VAV2: variants seen among roughly 807,000 people sequenced by gnomAD.
VAV2 encodes vav guanine nucleotide exchange factor 2.
VAV2 carries 67 observed loss-of-function variants against 132.5 expected under a neutral mutation model. That is an observed-to-expected ratio of 0.51 (90% CI 0.42 to 0.62). The LOEUF is 0.62. Among genes scored for constraint, VAV2 ranks in the 20% least tolerant of loss-of-function variants. The probability of loss-of-function intolerance (pLI) is 0.00; values close to 1 mark genes in which losing one functional copy is unlikely to be tolerated. For missense variants in VAV2, 938 were observed against 1,153.6 expected, an observed-to-expected ratio of 0.81 and a Z score of 2.71; for synonymous variants, 492 against 443.5, an observed-to-expected ratio of 1.11 and a Z score of -1.37.
intron 2 of VAV2, among the ~76,000 whole-genome samples, chr9:133,866,101 G>A (rs1837787036): frequency 6.6e-6 from 1 of 152,106 alleles, no homozygotes; most frequent in African/African-American, 2.4e-5. Flanking sequence ...CCACCATGAT[G>A]CAACCCCCGC....
intron 29 of VAV2, among the ~76,000 whole-genome samples, chr9:133,764,343 G>GA (rs913251641): frequency 8.6e-5 from 13 of 151,604 alleles, no homozygotes; most frequent in African/African-American, 2.7e-4. Flanking sequence ...CTGCCAGTCA[G>GA]AAAAAAAATA....
intron 2 of VAV2, among the ~76,000 whole-genome samples, chr9:133,887,320 G>A (rs576129878): frequency 9.2e-5 from 14 of 152,230 alleles, no homozygotes; most frequent in African/African-American, 2.2e-4. Context: ...AAAGCTGAAC[G>A]CAGCTGCTCC....
chr9:133,934,217 G>A (rs1488164729), intron 2 of VAV2, among the ~76,000 whole-genome samples: 1 of 152,114 alleles, frequency 6.6e-6, no homozygotes, highest in African/African-American at 2.4e-5. Flanking sequence ...GAGAGACTTG[G>A]GGAGCCGGGA....
At chr9:133,940,067 C>T (rs746313831) in intron 1 of VAV2, among the ~76,000 whole-genome samples, 2 of 152,158 alleles carry the variant, frequency 1.3e-5, no homozygotes, top group African/African-American at 4.8e-5. Flanking sequence ...TGAGGTGGCC[C>T]GGGGGGCACG....
At chr9:133,921,972 G>A (rs148168329) in intron 2 of VAV2, among the ~76,000 whole-genome samples, 6 of 152,368 alleles carry the variant, frequency 3.9e-5, no homozygotes, top group African/African-American at 9.6e-5. Flanking sequence ...TCCCGGCACC[G>A]GCAGGGCGAG....
intron 3 of VAV2, among the ~76,000 whole-genome samples, chr9:133,844,053 G>A (rs1836832863): frequency 6.6e-6 from 1 of 151,966 alleles, no homozygotes; most frequent in Non-Finnish European, 1.5e-5. Context: ...CAGCGAGGCT[G>A]TTTCTGCCCC....
At chr9:133,968,049 G>A (rs547824458) in intron 1 of VAV2, among the ~76,000 whole-genome samples, 2 of 152,030 alleles carry the variant, frequency 1.3e-5, no homozygotes, top group African/African-American at 2.4e-5. Flanking sequence ...ATCAGAGACT[G>A]GGTGGGGCGA....
intron 7 of VAV2, 52 bp downstream of exon 7, chr9:133,808,988 C>T: frequency 6.5e-7 from 1 of 1,535,138 alleles, no homozygotes; most frequent in South Asian, 1.1e-5. Flanking sequence ...GGTGGCCCTG[C>T]AGTGACCACA....
At chr9:133,847,637 G>A (rs111510313) in intron 3 of VAV2, among the ~76,000 whole-genome samples, 5 of 152,316 alleles carry the variant, frequency 3.3e-5, no homozygotes, top group Admixed American at 6.5e-5. Flanking sequence ...GACCCCACTT[G>A]AGGACGTCAG....
intron 1 of VAV2, among the ~76,000 whole-genome samples, chr9:133,977,850 G>A (rs571834810): frequency 6.6e-6 from 1 of 152,222 alleles, no homozygotes; most frequent in African/African-American, 2.4e-5. Context: ...GGAAGGCCAC[G>A]CCAAGTCCAG....
At chr9:133,772,949 GATGGAGCCTACTGCACGCCCCACAAC>G (rs1297307017) in intron 25 of VAV2, among the ~76,000 whole-genome samples, 5 of 80,656 alleles carry the variant, frequency 6.2e-5, no homozygotes, top group Non-Finnish European at 1.5e-4. Context: ...TAAGCTGAAT[GATGGAGCCTACTGCACGCCCCACAAC>G]TAGGCTGGAC....
At chr9:133,813,300 T>C (rs1004204972) in intron 4 of VAV2, among the ~76,000 whole-genome samples, 10 of 152,186 alleles carry the variant, frequency 6.6e-5, no homozygotes, top group Non-Finnish European at 7.3e-5. Flanking sequence ...CCCCCTTCCA[T>C]GGCCAGCACG....
At chr9:133,943,275 C>G (rs556905543) in intron 1 of VAV2, among the ~76,000 whole-genome samples, 1 of 152,304 alleles carries the variant, frequency 6.6e-6, no homozygotes, top group African/African-American at 2.4e-5. Context: ...TGACGGTTGG[C>G]AGGGACCGGA....
intron 1 of VAV2, among the ~76,000 whole-genome samples, chr9:133,953,956 G>A (rs913006109): frequency 5.9e-5 from 9 of 152,134 alleles, no homozygotes; most frequent in East Asian, 1.9e-4. Context: ...GACAGGCAGC[G>A]CCTCCCACCA....
At chr9:133,808,304 C>A (rs1481626814) in intron 7 of VAV2, among the ~76,000 whole-genome samples, 2 of 152,228 alleles carry the variant, frequency 1.3e-5, no homozygotes, top group Non-Finnish European at 2.9e-5. Flanking sequence ...CCGGCCGGAG[C>A]AAGGCCAGCC....
chr9:133,977,285 G>C (rs544875646), intron 1 of VAV2, among the ~76,000 whole-genome samples: 1 of 152,226 alleles, frequency 6.6e-6, no homozygotes, highest in Non-Finnish European at 1.5e-5. Flanking sequence ...CAGATCTGAA[G>C]GGGGTCTTGG....
At chr9:133,791,723 G>A (rs962301626) in intron 13 of VAV2, 60 bp downstream of exon 13, 5 of 1,464,562 alleles carry the variant, frequency 3.4e-6, no homozygotes, top group African/African-American at 1.4e-5. Flanking sequence ...GGCTGTGAAC[G>A]TGACTTTATA....
rs1237860129 is a variant in VAV2 at position 133,804,012 on chromosome 9, C to A, written c.836+2069G>T. 1.3e-5 allele frequency among the ~76,000 whole-genome samples: 2 copies of A among 152,168 alleles called. No individual in the cohort carries two copies. The highest frequency in any genetic ancestry group is 4.8e-5 in the African/African-American group (2 of 41,446). On this transcript the variant is annotated intron_variant, in intron 9 of 29. Transcript: ENST00000371850. This position sits in a 1 kb window ranked among gnomAD's most constrained non-coding sequence, Gnocchi z 4.5. ...TCTCCTGGGCTCTCCAGCAACGCCG[C>A]AGCTCCCCCCGGAGCTTCTCTATCT...
chr9:133,776,434 C>T (rs572211745), intron 23 of VAV2, among the ~76,000 whole-genome samples: 210 of 152,308 alleles, frequency 1.4e-3, no homozygotes, highest in African/African-American at 4.8e-3. Context: ...CTGGAAACCC[C>T]GGGGTGGGGG....
Sources: allele counts gnomAD v4.1 joint callset (sites outside exome capture counted in the v4.1 genomes callset), GRCh38; gene constraint gnomAD v4.1.1; non-coding constraint Gnocchi (gnomAD v3.1); transcripts MANE v1.5; gene names NCBI Gene and HGNC (gene_info 2026-07-23, HGNC 2026-07-21).